The following FUT9 variants were observed in gnomAD, a reference collection of about 807,000 sequenced individuals.
FUT9 encodes 4-galactosyl-N-acetylglucosaminide 3-alpha-L-fucosyltransferase 9.
Under a neutral mutation model 29.7 loss-of-function variants are expected in FUT9, and 15 were observed. That is an observed-to-expected ratio of 0.51 (90% confidence interval 0.34 to 0.78). The LOEUF (loss-of-function observed/expected upper bound fraction) is 0.78, where lower values mean the gene tolerates loss of function less well. Ranked by LOEUF, FUT9 falls within the 30% of genes least tolerant of loss-of-function variation. The pLI is 0.01. For missense variants in FUT9, 319 were observed against 425.4 expected (o/e 0.75, Z 2.20); for synonymous variants, 169 against 153.7 (o/e 1.10, Z -0.74).
intron 1 of FUT9, among the ~76,000 whole-genome samples, chr6:96,100,702 C>G (rs996726875): frequency 1.5e-4 from 23 of 152,072 alleles, no homozygotes; most frequent in African/African-American, 5.6e-4. Flanking sequence ...TTGAAGAACC[C>G]CCTTTCTTTT....
intron 1 of FUT9, among the ~76,000 whole-genome samples, chr6:96,016,860 A>G (rs1340461452): frequency 6.6e-6 from 1 of 152,212 alleles, no homozygotes; most frequent in Non-Finnish European, 1.5e-5. Context: ...CTGGGCTGTT[A>G]AGGGTATTAT....
intron 2 of FUT9, among the ~76,000 whole-genome samples, chr6:96,181,939 A>G (rs192247184): frequency 3.3e-5 from 5 of 152,142 alleles, no homozygotes; most frequent in African/African-American, 1.2e-4. Context: ...CTGGATAGAT[A>G]CCCGGTAGTG....
In FUT9 at chr6:96,077,231, C is replaced by T. The variant is rs1771154168; in HGVS notation, c.-97-36808C>T. 2.6e-5 allele frequency among the ~76,000 whole-genome samples: 4 copies of T among 152,100 alleles called. 1 individual carries two copies. In the South Asian group the frequency reaches 8.3e-4, roughly 32 times the overall value. On this transcript the variant is annotated intron_variant, in intron 1 of 2. Transcript: ENST00000302103. ...ATCCTCACAGTTGCTCCCCCACCAA[C>T]ACACACACATACACATCCCTTTTAC...
chr6:96,155,113 T>C (rs977227278), intron 2 of FUT9, among the ~76,000 whole-genome samples: 3 of 152,204 alleles, frequency 2.0e-5, no homozygotes, highest in Admixed American at 6.5e-5. Flanking sequence ...TCTACAGCAG[T>C]CAAGGTTTAC....
At chr6:96,167,771 A>G (rs1773039955) in intron 2 of FUT9, among the ~76,000 whole-genome samples, 1 of 152,200 alleles carries the variant, frequency 6.6e-6, no homozygotes. Flanking sequence ...ACTTTTGAAC[A>G]AAAGTGTGGG....
intron 1 of FUT9, among the ~76,000 whole-genome samples, chr6:96,097,371 G>C (rs1771518293): frequency 6.6e-6 from 1 of 152,162 alleles, no homozygotes; most frequent in African/African-American, 2.4e-5. Flanking sequence ...TATGTAGGTA[G>C]CTTGGAATTG....
chr6:96,192,776 G>A lies in FUT9; in HGVS notation c.-8-10372G>A, dbSNP rs1358530454. On this transcript the variant is annotated intron_variant, in intron 2 of 2. Transcript: ENST00000302103. Reference sequence around the variant, plus strand: ...CCTAAGCCAAAAGAACAAAGCTGGAGGCATCACACTACCTGACTTCAAACT... The same window carrying A: ...CCTAAGCCAAAAGAACAAAGCTGGAAGCATCACACTACCTGACTTCAAACT... Among the ~76,000 whole-genome samples, 382 of 152,122 alleles carry A rather than the reference G, an allele frequency of 2.5e-3. 3 individuals carry two copies. The highest frequency in any genetic ancestry group is 3.0e-3 in the Non-Finnish European group (203 of 67,990).
At chr6:96,148,344 C>T (rs1367405453) in intron 2 of FUT9, among the ~76,000 whole-genome samples, 2 of 152,160 alleles carry the variant, frequency 1.3e-5, no homozygotes, top group Admixed American at 1.3e-4. Context: ...ATTCTAACAG[C>T]TCCACGTAGC....
chr6:96,073,208 TG>T (rs1346114096), intron 1 of FUT9, among the ~76,000 whole-genome samples: 2 of 152,102 alleles, frequency 1.3e-5, no homozygotes, highest in Non-Finnish European at 2.9e-5. Context: ...CTCAGCACTT[TG>T]GGGGGCCAAG....
intron 2 of FUT9, among the ~76,000 whole-genome samples, chr6:96,165,927 T>C (rs1212993339): frequency 6.6e-6 from 1 of 152,148 alleles, no homozygotes; most frequent in Non-Finnish European, 1.5e-5. Flanking sequence ...TGTTTTTATA[T>C]TATTCTGTAT....
At chr6:96,152,229 G>A (rs1000947621) in intron 2 of FUT9, among the ~76,000 whole-genome samples, 4 of 152,162 alleles carry the variant, frequency 2.6e-5, no homozygotes, top group Non-Finnish European at 4.4e-5. Context: ...ATTACACGCT[G>A]TATATGCTGG....
rs145187310 is a variant in FUT9, at chr6:96,181,290, A to T, written c.-8-21858A>T. On this transcript the variant is annotated intron_variant, in intron 2 of 2. Transcript: ENST00000302103. ...ATGAAGAGGCAAGAAGAGATCTAAA[A>T]CATCCTACTAGCTTCCACAGCCCTC... Among the ~76,000 whole-genome samples, 3 of 152,176 alleles carry T rather than the reference A, an allele frequency of 2.0e-5. No homozygotes were observed. The East Asian group carries it at 5.8e-4, about 29-fold the overall frequency.
intron 1 of FUT9, among the ~76,000 whole-genome samples, chr6:96,106,443 G>A (rs1026922455): frequency 6.6e-6 from 1 of 151,988 alleles, no homozygotes; most frequent in African/African-American, 2.4e-5. Context: ...AAAGGGGTAT[G>A]AAGTGTCACC....
intron 2 of FUT9, among the ~76,000 whole-genome samples, chr6:96,161,212 A>G (rs540356903): frequency 2.6e-5 from 4 of 152,274 alleles, no homozygotes; most frequent in African/African-American, 7.2e-5. Context: ...AGGTGGGGTC[A>G]TTGGTGGGTG....
chr6:96,044,754 A>G (rs985051393), intron 1 of FUT9, among the ~76,000 whole-genome samples: 2 of 152,136 alleles, frequency 1.3e-5, no homozygotes, highest in African/African-American at 4.8e-5. Flanking sequence ...TTAATTCCCT[A>G]ATTATCATAT....
chr6:96,150,082 C>G (rs1188678692), intron 2 of FUT9, among the ~76,000 whole-genome samples: 1 of 152,114 alleles, frequency 6.6e-6, no homozygotes, highest in Non-Finnish European at 1.5e-5. Flanking sequence ...AAGATAAACT[C>G]TGCCTACCTG....
At chr6:96,166,870 C>T (rs1400140343) in intron 2 of FUT9, among the ~76,000 whole-genome samples, 1 of 152,124 alleles carries the variant, frequency 6.6e-6, no homozygotes, top group Non-Finnish European at 1.5e-5. Flanking sequence ...TTATCATACC[C>T]AACACCATGT....
chr6:96,159,450 T>G (rs1446032804), intron 2 of FUT9, among the ~76,000 whole-genome samples: 2 of 152,106 alleles, frequency 1.3e-5, no homozygotes, highest in African/African-American at 4.8e-5. Context: ...AGAACATAAA[T>G]TATTAAGATG....
chr6:96,156,222 G>C (rs1420806831), intron 2 of FUT9, among the ~76,000 whole-genome samples: 1 of 152,150 alleles, frequency 6.6e-6, no homozygotes, highest in Non-Finnish European at 1.5e-5. Context: ...TGACAGCTGT[G>C]AGCCAGTGCA....
Sources: allele counts gnomAD v4.1 joint callset (sites outside exome capture counted in the v4.1 genomes callset), GRCh38; gene constraint gnomAD v4.1.1; transcripts MANE v1.5; gene names NCBI Gene and HGNC (gene_info 2026-07-23, HGNC 2026-07-21).